The following ADAMTSL3 variants were observed in gnomAD, a reference collection of about 807,000 sequenced individuals.
ADAMTSL3 encodes the protein ADAMTS like 3, also known as ADAMTS-like protein 3.
ADAMTSL3 carries 128 observed loss-of-function variants against 201.7 expected under a neutral mutation model. The observed-to-expected ratio is 0.63, with a 90% CI of 0.55 to 0.73. The LOEUF (loss-of-function observed/expected upper bound fraction) is 0.73. Among genes scored for constraint, ADAMTSL3 ranks in the 30% least tolerant of loss-of-function variants. The pLI is 0.00. For missense variants in ADAMTSL3, 1,990 were observed against 2,119.6 expected (o/e 0.94, Z 1.20); for synonymous variants, 738 against 748.4 (o/e 0.99, Z 0.23).
intron 9 of ADAMTSL3, among the ~76,000 whole-genome samples, chr15:83,882,232 T>C (rs111858765): frequency 5.9e-5 from 9 of 152,262 alleles, no homozygotes; most frequent in East Asian, 5.8e-4. Context: ...TTTATTCTCA[T>C]TGGGGAGATT....
At position 83,769,685 on chromosome 15, in the gene ADAMTSL3, A is replaced by T. The variant is rs182378814; in HGVS notation, c.190-3838A>T. Among the ~76,000 whole-genome samples the T allele has an allele frequency of 4.7e-4, 71 of 152,280 alleles. No homozygotes were observed. The East Asian group carries it at 0.012, about 25-fold the overall frequency. The stretch of plus-strand genomic sequence containing the variant: ...AAAGCCCATTGACCAGTGAGACTTG[A>T]GTGAAAATTATTGGAAAACCCCCTC... On this transcript the variant is annotated intron_variant, in intron 3 of 29. Coordinates refer to ENST00000286744, the MANE Select transcript of ADAMTSL3 (RefSeq NM_207517.3).
chr15:84,021,328 T>G, intron 25 of ADAMTSL3, 82 bp from the exon 26 acceptor site: 3 of 1,461,834 alleles, frequency 2.1e-6, no homozygotes, highest in Non-Finnish European at 2.8e-6. Flanking sequence ...AAACATCTCA[T>G]GGTGGTTTTT....
intron 3 of ADAMTSL3, among the ~76,000 whole-genome samples, chr15:83,710,530 T>A (rs1466493753): frequency 2.0e-5 from 3 of 152,166 alleles, no homozygotes; most frequent in African/African-American, 4.8e-5. Flanking sequence ...TTTCTTCAAG[T>A]CACACCTATA....
chr15:84,037,088 A>G, intron 29 of ADAMTSL3, 101 bp downstream of exon 29: 1 of 1,243,536 alleles, frequency 8.0e-7, no homozygotes, highest in Non-Finnish European at 1.1e-6. Flanking sequence ...TGATTACCTC[A>G]TCAGTGTCCC....
intron 3 of ADAMTSL3, among the ~76,000 whole-genome samples, chr15:83,765,900 A>G (rs2062881860): frequency 7.2e-5 from 11 of 152,092 alleles, no homozygotes; most frequent in Admixed American, 7.2e-4. Flanking sequence ...TGGGTGTTTT[A>G]TTGTGCAAAC....
intron 3 of ADAMTSL3, among the ~76,000 whole-genome samples, chr15:83,739,125 T>C (rs2062414048): frequency 6.6e-6 from 1 of 151,968 alleles, no homozygotes; most frequent in Non-Finnish European, 1.5e-5. Context: ...TTCATAAACA[T>C]GTAGACTCTG....
At chr15:84,005,497 A>G (rs1255857125) in intron 23 of ADAMTSL3, among the ~76,000 whole-genome samples, 1 of 152,200 alleles carries the variant, frequency 6.6e-6, no homozygotes, top group Non-Finnish European at 1.5e-5. Flanking sequence ...TTCTTCTTCA[A>G]GGAACTACTG....
intron 3 of ADAMTSL3, among the ~76,000 whole-genome samples, chr15:83,760,283 G>T (rs773092482): frequency 6.6e-6 from 1 of 151,942 alleles, no homozygotes; most frequent in Non-Finnish European, 1.5e-5. Context: ...TTTTCATTGT[G>T]ATTAATTTTT....
Position 83,924,019 on chromosome 15 carries a change from G to T in ADAMTSL3, c.2103G>T (p.Glu701Asp). ...CCATGAGCCAGGCCTGTAACACAGA[G>T]CCCTGTCCCCCCAGGTATGTGCTGT... ...PPAMSQACNT[E>D]PCPPRWHVGS... is the part of the protein sequence containing the mutation. Residue 701 changes from glutamate to aspartate, a missense_variant, in exon 17 of 30, where the codon GAG becomes GAT. Glu to Asp is a conservative substitution (Grantham distance 45). Coordinates refer to ENST00000286744, the MANE Select transcript of ADAMTSL3 (RefSeq NM_207517.3). The T allele has an allele frequency of 6.2e-7, 1 of 1,614,122 alleles. No homozygotes were observed. The highest frequency in any genetic ancestry group is 1.3e-5 in the African/African-American group (1 of 75,060).
At chr15:83,863,796 A>G (rs933300367) in intron 8 of ADAMTSL3, among the ~76,000 whole-genome samples, 11 of 152,328 alleles carry the variant, frequency 7.2e-5, no homozygotes, top group Admixed American at 7.2e-4. Context: ...GAAACACAAA[A>G]AACCCTTCAA....
intron 4 of ADAMTSL3, among the ~76,000 whole-genome samples, chr15:83,776,149 T>A (rs1464841875): frequency 2.0e-5 from 3 of 152,180 alleles, no homozygotes; most frequent in Non-Finnish European, 4.4e-5. Context: ...GTGGTATCCT[T>A]AAAATTTCTT....
Position 83,720,577 on chromosome 15 carries a change from G to T in ADAMTSL3, c.189+16069G>T, listed in dbSNP as rs60057243. Among the ~76,000 whole-genome samples the T allele has an allele frequency of 7.2e-5, 11 of 152,274 alleles. 1 individual carries two copies. The East Asian group carries it at 1.9e-3, about 27-fold the overall frequency. On this transcript the variant is annotated intron_variant, in intron 3 of 29. Coordinates refer to ENST00000286744, the MANE Select transcript of ADAMTSL3 (RefSeq NM_207517.3). ...CATGTTTGAGAAATATTGATTTAGC[G>T]GTTGGTGACAAAAGGTTTTTAGAAT...
Position 83,694,874 on chromosome 15 carries a change from G to A in ADAMTSL3, c.70-9515G>A, listed in dbSNP as rs1419483992. 5.3e-5 allele frequency among the ~76,000 whole-genome samples: 8 copies of A among 152,124 alleles called. No individual in the cohort carries two copies. In the East Asian group the frequency reaches 1.2e-3, roughly 22 times the overall value. Reference sequence around the variant, plus strand: ...AGCCCAGTGCTGAGCACTAAAGAACGTTCAGATATGTAGAGAAGTCATACA... The same window carrying A: ...AGCCCAGTGCTGAGCACTAAAGAACATTCAGATATGTAGAGAAGTCATACA... On this transcript the variant is annotated intron_variant, in intron 2 of 29. Coordinates refer to ENST00000286744, the MANE Select transcript of ADAMTSL3 (RefSeq NM_207517.3).
intron 2 of ADAMTSL3, among the ~76,000 whole-genome samples, chr15:83,699,325 A>G (rs967786814): frequency 2.0e-5 from 3 of 152,142 alleles, no homozygotes; most frequent in African/African-American, 7.2e-5. Context: ...CCTCAGGGCT[A>G]TCCATCCATT....
intron 2 of ADAMTSL3, among the ~76,000 whole-genome samples, chr15:83,674,973 A>G (rs1232443246): frequency 6.6e-6 from 1 of 151,742 alleles, no homozygotes; most frequent in African/African-American, 2.4e-5. Flanking sequence ...TGTTGGATTT[A>G]TAATTACATA....
chr15:84,004,507 A>G (rs1387566266), intron 23 of ADAMTSL3, among the ~76,000 whole-genome samples: 1 of 152,220 alleles, frequency 6.6e-6, no homozygotes, highest in Non-Finnish European at 1.5e-5. Context: ...AACCAGGAGT[A>G]AACCAGGAGT....
In ADAMTSL3 at chr15:83,871,073, A is replaced by G; in HGVS notation, c.960+114A>G. On this transcript the variant is annotated intron_variant, in intron 9 of 29. Coordinates refer to ENST00000286744, the MANE Select transcript of ADAMTSL3 (RefSeq NM_207517.3). ...TCAATCATTGTTTTTTATACAGAGC[A>G]TGTGTCATCAATATTTCCATCTTGG... is the stretch of plus-strand genomic sequence containing the variant. 2.5e-6 allele frequency: 3 copies of G among 1,178,784 alleles called. No homozygotes were observed. The South Asian group carries it at 4.4e-5, about 17-fold the overall frequency. 73.0% of individuals were successfully genotyped at this position (1,178,784 alleles called of 1,614,324 possible). A position where few individuals can be genotyped will look rare whatever the true frequency, so the allele number is the denominator to read the frequency against.
At chr15:83,880,141 G>A in intron 9 of ADAMTSL3, among the ~76,000 whole-genome samples, 1 of 151,866 alleles carries the variant, frequency 6.6e-6, no homozygotes, top group East Asian at 1.9e-4. Context: ...TGAGGTCCAG[G>A]TGTCTCATGA....
At chr15:83,871,044 G>A (rs2065070933) in intron 9 of ADAMTSL3, 85 bp downstream of exon 9, 1 of 1,469,806 alleles carries the variant, frequency 6.8e-7, no homozygotes, top group Admixed American at 2.0e-5. Context: ...TTAGCAAGAG[G>A]TCATCAATCA....
Sources: allele counts gnomAD v4.1 joint callset (sites outside exome capture counted in the v4.1 genomes callset), GRCh38; gene constraint gnomAD v4.1.1; transcripts MANE v1.5; gene names NCBI Gene and HGNC (gene_info 2026-07-23, HGNC 2026-07-21).